The following HGS variants were observed in gnomAD, a reference collection of about 807,000 sequenced individuals.
HGS encodes the protein hepatocyte growth factor-regulated tyrosine kinase substrate.
HGS carries 63 observed loss-of-function variants against 109.7 expected under a neutral mutation model. The ratio of observed to expected loss-of-function variants is 0.57; its 90% CI spans 0.47 to 0.71. The LOEUF is 0.71. Among genes scored for constraint, HGS ranks in the 30% least tolerant of loss-of-function variants. The pLI, the probability that HGS is intolerant of heterozygous loss-of-function variation, is 0.00. For missense variants in HGS, 995 were observed against 1,068.3 expected, an observed-to-expected ratio of 0.93 and a Z score of 0.96; for synonymous variants, 546 against 437.3, an observed-to-expected ratio of 1.25 and a Z score of -3.10.
rs373226135 is a variant in HGS at position 81,694,794 on chromosome 17, C to T, written c.937-21C>T. 1.3e-5 allele frequency: 21 copies of T among 1,614,092 alleles called. No homozygotes were observed. In the African/African-American group the frequency reaches 1.9e-4, roughly 14 times the overall value. On this transcript the variant is annotated intron_variant, in intron 11 of 21. Coordinates refer to ENST00000329138, the MANE Select transcript of HGS (RefSeq NM_004712.5). Reference sequence around the variant, plus strand: ...AACTGGCTCTGTCACCTGTGAGACTCAGATGCCCTTTTCTCCCCAGAACTC... The same window carrying T: ...AACTGGCTCTGTCACCTGTGAGACTTAGATGCCCTTTTCTCCCCAGAACTC...
chr17:81,690,051 G>C, intron 5 of HGS, 131 bp from the exon 6 acceptor site: 1 of 898,846 alleles, frequency 1.1e-6, no homozygotes, highest in Non-Finnish European at 1.7e-6. Flanking sequence ...AGGCTGTCTC[G>C]GTGCCCCCAG....
chr17:81,685,741 C>G (rs755596254), intron 2 of HGS, 52 bp downstream of exon 2: 7 of 1,460,084 alleles, frequency 4.8e-6, no homozygotes, highest in Non-Finnish European at 6.6e-6. Context: ...GTGCACTAAG[C>G]TGGGCTCGCT....
intron 18 of HGS, among the ~76,000 whole-genome samples, chr17:81,699,923 A>G (rs1232284760): frequency 6.6e-6 from 1 of 151,396 alleles, no homozygotes; most frequent in Non-Finnish European, 1.5e-5. Context: ...AAAATACAAA[A>G]ACTTAGCTGG....
chr17:81,693,671 C>A lies in HGS; in HGVS notation c.759C>A (p.Asp253Glu). ...GTCCTCAGCTGCCCCCCAAGAGGGA[C>A]GAGACGGCCCTGCAGGAGGAGGAGG... Reference protein sequence around the residue: ...SQQSQLPPKRDETALQEEEEL... With the variant: ...SQQSQLPPKREETALQEEEEL... The change falls in exon 10 of 22, where the codon GAC becomes GAA. Residue 253 changes from aspartate to glutamate, a missense_variant. This residue lies in a region of HGS where 300 missense variants were observed against 235.4 expected (regional missense o/e 1.27). Transcript: ENST00000329138. 1 of 1,552,606 alleles carries A rather than the reference C, an allele frequency of 6.4e-7. No homozygotes were observed. Among genetic ancestry groups the A allele is most frequent in the Non-Finnish European group, 8.7e-7 (1 of 1,147,258 alleles).
Position 81,700,509 on chromosome 17 carries a change from C to A in HGS, c.1925C>A (p.Thr642Asn). Reference sequence around the variant, plus strand: ...GCCTACATGTACCCAGCAGGGGCCACTGGGGCGCAGGCGGCCCCCCAGGCC... The same window carrying A: ...GCCTACATGTACCCAGCAGGGGCCAATGGGGCGCAGGCGGCCCCCCAGGCC... ...VSAYMYPAGA[T>N]GAQAAPQAQA... is the part of the protein sequence containing the mutation. The change falls in exon 19 of 22, where the codon ACT (threonine) becomes AAT (asparagine). Residue 642 changes from threonine to asparagine, a missense_variant. Around this residue, in one of 6 missense-constraint regions of HGS, gnomAD observed 326 missense variants for 309.7 expected, o/e 1.05. Coordinates refer to ENST00000329138, the MANE Select transcript of HGS (RefSeq NM_004712.5). The A allele has an allele frequency of 1.9e-6, 3 of 1,607,156 alleles. No homozygotes were observed. Among genetic ancestry groups the A allele is most frequent in the Middle Eastern group, 1.7e-4 (1 of 6,022 alleles).
Position 81,697,282 on chromosome 17 carries a change from GGCTCA to G in HGS, c.1882+287_1882+291del, listed in dbSNP as rs1353795159. On this transcript the variant is annotated intron_variant, in intron 18 of 21. Transcript: ENST00000329138. ...GGGCTGCCGATCCTCGTCTGTAGCA[GGCTCA>G]GCCCTCATGGACTGTCCCAGTGGTG... 3 of 362,832 alleles carry G rather than the reference GGCTCA, an allele frequency of 8.3e-6. No homozygotes were observed. The East Asian group carries it at 1.4e-4, about 17-fold the overall frequency. The allele number at this position is 362,832 out of a possible 1,614,324, so 22.5% of individuals were successfully genotyped here. A position where few individuals can be genotyped will look rare whatever the true frequency, so the allele number is the denominator to read the frequency against.
In HGS at chr17:81,694,989, G is replaced by T; in HGVS notation, c.1041G>T (p.Thr347=). 6.2e-7 allele frequency: 1 copy of T among 1,614,064 alleles called. No homozygotes were observed. Among genetic ancestry groups the T allele is most frequent in the Non-Finnish European group, 8.5e-7 (1 of 1,180,024 alleles). The change falls in exon 13 of 22, where the codon ACG becomes ACT. Residue 347 remains threonine (T), a synonymous_variant. Transcript: ENST00000329138. ...KKQEEARKSP[T]PSAPVPLTEP... ...AGGAGGAGGCTCGCAAGAGCCCCACGCCATCTGCGCCCGTGCCCCTGACGG... is the reference window on the plus strand; with the variant it reads ...AGGAGGAGGCTCGCAAGAGCCCCACTCCATCTGCGCCCGTGCCCCTGACGG...
At position 81,696,830 on chromosome 17, in the gene HGS, G is replaced by T; in HGVS notation, c.1714G>T (p.Ala572Ser). Residue 572 changes from alanine (A) to serine (S), a missense_variant, in exon 18 of 22, where the codon GCC (alanine) becomes TCC (serine). Physicochemically the swap from Ala to Ser is moderately conservative, Grantham distance 99. Around this residue, in one of 6 missense-constraint regions of HGS, gnomAD observed 326 missense variants for 309.7 expected, o/e 1.05. Coordinates refer to ENST00000329138, the MANE Select transcript of HGS (RefSeq NM_004712.5). ...AFPLPYAQLQAMPAAGGVLYQ... is the reference protein window; with the variant it reads ...AFPLPYAQLQSMPAAGGVLYQ... ...CTGTCTCTTTTGTCCCCAGCTCCAG[G>T]CCATGCCCGCAGCCGGAGGTGTGCT... is the stretch of plus-strand genomic sequence containing the variant. 1 of 1,609,446 alleles carries T rather than the reference G, an allele frequency of 6.2e-7. No homozygotes were observed. Among genetic ancestry groups the T allele is most frequent in the South Asian group, 1.1e-5 (1 of 90,898 alleles).
intron 2 of HGS, 34 bp from the exon 3 acceptor site, chr17:81,686,277 GT>G: frequency 1.3e-6 from 2 of 1,580,026 alleles, no homozygotes; most frequent in Non-Finnish European, 8.7e-7. Flanking sequence ...TTTTTTTCCC[GT>G]TTTTCTCTGC....
chr17:81,686,152 G>C, intron 2 of HGS, 160 bp from the exon 3 acceptor site: 1 of 624,946 alleles, frequency 1.6e-6, no homozygotes, highest in South Asian at 1.9e-5. Flanking sequence ...GCTGGTCTCA[G>C]ACTCCTGGGC....
rs553665972 is a variant in HGS, at chr17:81,696,491, C to T, written c.1528C>T (p.Leu510=). The change falls in exon 16 of 22, where the codon CTG becomes TTG. Residue 510 remains leucine, a synonymous_variant. Coordinates refer to ENST00000329138, the MANE Select transcript of HGS (RefSeq NM_004712.5). ...EEAERQRQIQ[L]AQKLEIMRQK... Reference sequence around the variant, plus strand: ...GGCAGAGCGCCAGCGCCAGATCCAGCTGGCCCAGAAGCTGGAGATAATGCG... The same window carrying T: ...GGCAGAGCGCCAGCGCCAGATCCAGTTGGCCCAGAAGCTGGAGATAATGCG... 18 of 1,528,612 alleles carry T rather than the reference C, an allele frequency of 1.2e-5. No individual in the cohort carries two copies. In the South Asian group the frequency reaches 2.0e-4, roughly 17 times the overall value. The allele number at this position is 1,528,612 out of a possible 1,614,324, so 94.7% of individuals were successfully genotyped here. A position where few individuals can be genotyped will look rare whatever the true frequency, so the allele number is the denominator to read the frequency against.
In HGS at chr17:81,684,039, C is replaced by G. The variant is rs537595032; in HGVS notation, c.-28C>G. ...CCAGCTCGTAGCAGGGGAGCGCCCG[C>G]GGCGTCGGGTTTGGGCTGGAGGTCG... is the stretch of plus-strand genomic sequence containing the variant. On this transcript the variant is annotated 5_prime_UTR_variant, in exon 1 of 22. Transcript: ENST00000329138. The G allele has an allele frequency of 1.3e-6, 2 of 1,584,414 alleles. No homozygotes were observed. The highest frequency in any genetic ancestry group is 1.3e-5 in the African/African-American group (1 of 74,580).
chr17:81,690,317 G>T, intron 6 of HGS, 83 bp downstream of exon 6: 1 of 1,410,020 alleles, frequency 7.1e-7, no homozygotes, highest in South Asian at 1.2e-5. Flanking sequence ...CGGCTTGTTT[G>T]AGGGTTGGTG....
intron 14 of HGS, 32 bp from the exon 15 acceptor site, chr17:81,695,754 C>A (rs541795389): frequency 6.2e-7 from 1 of 1,605,948 alleles, no homozygotes; most frequent in African/African-American, 1.3e-5. Flanking sequence ...GGGGCGTGGC[C>A]GCACTCATCC....
At chr17:81,688,487 T>C (rs1210803831) in intron 4 of HGS, among the ~76,000 whole-genome samples, 1 of 152,172 alleles carries the variant, frequency 6.6e-6, no homozygotes, top group Non-Finnish European at 1.5e-5. Context: ...GACGCGGCGT[T>C]GTTTGGCTCC....
intron 18 of HGS, among the ~76,000 whole-genome samples, chr17:81,699,666 C>T (rs1162454935): frequency 5.3e-5 from 8 of 151,948 alleles, no homozygotes; most frequent in South Asian, 2.1e-4. Context: ...CATCATGATC[C>T]GCCTGCCTCG....
At position 81,696,630 on chromosome 17, in the gene HGS, G is replaced by C. The variant is rs2037153859; in HGVS notation, c.1590G>C (p.Gln530His). ...AGGAGTACCTGGAGGTGCAGAGGCA[G>C]CTGGCCATCCAGCGCCTGCAGGAGC... is the stretch of plus-strand genomic sequence containing the variant. The part of the protein sequence containing the change: ...KKQEYLEVQR[Q>H]LAIQRLQEQE... Residue 530 changes from glutamine to histidine, a missense_variant, in exon 17 of 22, where the codon CAG (glutamine) becomes CAC (histidine). This residue lies in a region of HGS where 163 missense variants were observed against 217.8 expected (regional missense o/e 0.75). Transcript: ENST00000329138. The C allele has an allele frequency of 4.3e-6, 7 of 1,610,102 alleles. No homozygotes were observed. In the East Asian group the frequency reaches 1.1e-4, roughly 26 times the overall value.
Position 81,701,677 on chromosome 17 carries a change from C to T in HGS, c.*59C>T. On this transcript the variant is annotated 3_prime_UTR_variant, in exon 22 of 22. Coordinates refer to ENST00000329138, the MANE Select transcript of HGS (RefSeq NM_004712.5). ...ATACAGTTCACCTGAAACGCCTCGT[C>T]TCTAACTGCCGTCGTCCTGCCTCCC... The T allele has an allele frequency of 6.6e-7, 1 of 1,508,038 alleles. No individual in the cohort carries two copies. The highest frequency in any genetic ancestry group is 8.9e-7 in the Non-Finnish European group (1 of 1,124,892). 93.4% of individuals were successfully genotyped at this position (1,508,038 alleles called of 1,614,324 possible).
intron 21 of HGS, 38 bp from the exon 22 acceptor site, chr17:81,701,469 AG>A: frequency 6.6e-7 from 1 of 1,523,068 alleles, no homozygotes; most frequent in Non-Finnish European, 8.8e-7. Flanking sequence ...GGGCTGGGGA[AG>A]GGAGGACCAG....
Sources: allele counts gnomAD v4.1 joint callset (sites outside exome capture counted in the v4.1 genomes callset), GRCh38; gene constraint gnomAD v4.1.1; regional missense constraint gnomAD v4.1.1; transcripts MANE v1.5; gene names NCBI Gene and HGNC (gene_info 2026-07-23, HGNC 2026-07-21).